SMTNL1: variants seen among roughly 807,000 people sequenced by gnomAD.
SMTNL1 encodes smoothelin-like protein 1.
Under a neutral mutation model 46.6 loss-of-function variants are expected in SMTNL1, and 41 were observed. The observed-to-expected ratio is 0.88, with a 90% CI of 0.69 to 1.14. SMTNL1 has a LOEUF of 1.14. SMTNL1 is among the 50% of genes most tolerant of loss of function. The pLI is 0.00. For missense variants in SMTNL1, 591 were observed against 626.1 expected (o/e 0.94, Z 0.60); for synonymous variants, 234 against 234.2 (o/e 1.00, Z 0.01).
chr11:57,546,723 T>C, intron 7 of SMTNL1, 71 bp downstream of exon 7: 2 of 1,540,852 alleles, frequency 1.3e-6, no homozygotes, highest in Non-Finnish European at 1.8e-6. Flanking sequence ...AGGGGTTGAG[T>C]AGTGAGGCAG....
At chr11:57,549,045 A>G (rs1335618031) in intron 7 of SMTNL1, among the ~76,000 whole-genome samples, 6 of 127,742 alleles carry the variant, frequency 4.7e-5, no homozygotes, top group African/African-American at 1.5e-4. Context: ...TTTTTTTTTG[A>G]GACAGAGTAT....
chr11:57,539,070 C>T (rs1031612520), intron 1 of SMTNL1, among the ~76,000 whole-genome samples: 4 of 151,964 alleles, frequency 2.6e-5, no homozygotes, highest in African/African-American at 9.7e-5. Context: ...TTAGAGCGGC[C>T]AGTCTCAGTG....
At position 57,546,257 on chromosome 11, in the gene SMTNL1, G is replaced by T. The variant is rs1156888303; in HGVS notation, c.1098G>T (p.Leu366Phe). The change falls in exon 6 of 8, where the codon TTG becomes TTT. Residue 366 changes from leucine (L) to phenylalanine (F), a missense_variant. Physicochemically the swap from Leu to Phe is conservative, Grantham distance 22 (BLOSUM62 0). Coordinates refer to ENST00000527972, the MANE Select transcript of SMTNL1 (RefSeq NM_001105565.3). ...GGGCAGCTTCCGGCCCCACGGCCTT[G>T]TTCCGCAACACTAAGGCAGCCGGGG... ...FGGAASGPTA[L>F]FRNTKAAGAA... is the part of the protein sequence containing the mutation. 6.8e-6 allele frequency: 11 copies of T among 1,608,240 alleles called. No individual in the cohort carries two copies. The Admixed American group carries it at 8.4e-5, about 12-fold the overall frequency.
In SMTNL1 at chr11:57,549,956, C is replaced by A; in HGVS notation, c.1341-12C>A. 1 of 1,613,578 alleles carries A rather than the reference C, an allele frequency of 6.2e-7. No individual in the cohort carries two copies. Among genetic ancestry groups the A allele is most frequent in the Middle Eastern group, 1.7e-4 (1 of 6,060 alleles). On this transcript the variant is annotated splice_polypyrimidine_tract_variant and intron_variant, in intron 7 of 7. Coordinates refer to ENST00000527972, the MANE Select transcript of SMTNL1 (RefSeq NM_001105565.3). ...TTTGACCTTCTGCTCCTCATTCCACCCCATTCCTTAGGAAACTGGCTGACT... is the reference window on the plus strand; with the variant it reads ...TTTGACCTTCTGCTCCTCATTCCACACCATTCCTTAGGAAACTGGCTGACT...
intron 7 of SMTNL1, among the ~76,000 whole-genome samples, chr11:57,546,959 C>T (rs1355373833): frequency 1.3e-5 from 2 of 151,726 alleles, no homozygotes; most frequent in Non-Finnish European, 2.9e-5. Flanking sequence ...ATAGTGAGAC[C>T]CCCATCTCTA....
In SMTNL1 at chr11:57,543,367, A is replaced by G. The variant is rs370650341; in HGVS notation, c.725A>G (p.Glu242Gly). Reference sequence around the variant, plus strand: ...GCAAAAGAGGAGGCGGAGGATGCAGAGGAGGCAGTGAGTGAGGCAGGAAAG... The same window carrying G: ...GCAAAAGAGGAGGCGGAGGATGCAGGGGAGGCAGTGAGTGAGGCAGGAAAG... ...ADAKEEAEDA[E>G]EAEPGSPSEE... is the part of the protein sequence containing the mutation. Residue 242 changes from glutamate (E) to glycine (G), a missense_variant, in exon 2 of 8, where the codon GAG (glutamate) becomes GGG (glycine). By Grantham distance (98) the Glu-to-Gly change is moderately conservative. Coordinates refer to ENST00000527972, the MANE Select transcript of SMTNL1 (RefSeq NM_001105565.3). The G allele has an allele frequency of 3.7e-5, 60 of 1,613,226 alleles. No individual in the cohort carries two copies. The Middle Eastern group carries it at 1.5e-3, about 40-fold the overall frequency.
Position 57,545,845 on chromosome 11 carries a change from AG to A in SMTNL1, c.918-35del, listed in dbSNP as rs137980945. The A allele has an allele frequency of 9.5e-5, 148 of 1,559,908 alleles. No homozygotes were observed. In the African/African-American group the frequency reaches 1.9e-3, roughly 20 times the overall value. ...CCCTGTGTCCTGCAGTGCTGGTCCCAGCCTCTCTCACACGTCTTTGGACTTC... is the reference window on the plus strand; with the variant it reads ...CCCTGTGTCCTGCAGTGCTGGTCCCACCTCTCTCACACGTCTTTGGACTTC... On this transcript the variant is annotated intron_variant, in intron 4 of 7. Coordinates refer to ENST00000527972, the MANE Select transcript of SMTNL1 (RefSeq NM_001105565.3).
chr11:57,544,095 C>T (rs1041131708), intron 4 of SMTNL1, among the ~76,000 whole-genome samples, 175 bp downstream of exon 4: 3 of 152,222 alleles, frequency 2.0e-5, no homozygotes, highest in African/African-American at 7.2e-5. Flanking sequence ...AAGCCAGAGG[C>T]ATGGTCGGCT....
chr11:57,541,607 CT>C, intron 1 of SMTNL1: 1 of 1,354,548 alleles, frequency 7.4e-7, no homozygotes, highest in Non-Finnish European at 9.8e-7. Context: ...CCAGGCCCAC[CT>C]TTTCCAAAAA....
chr11:57,544,714 T>C (rs948215275), intron 4 of SMTNL1, among the ~76,000 whole-genome samples: 20 of 152,210 alleles, frequency 1.3e-4, no homozygotes, highest in Non-Finnish European at 2.5e-4. Flanking sequence ...TGCAAAGCAC[T>C]TTAGCCCAGT....
chr11:57,548,404 T>C (rs1300472980), intron 7 of SMTNL1, among the ~76,000 whole-genome samples: 1 of 152,118 alleles, frequency 6.6e-6, no homozygotes, highest in Non-Finnish European at 1.5e-5. Flanking sequence ...GTGCAGTGGC[T>C]CACACCTGTA....
chr11:57,542,985 A>G lies in SMTNL1; in HGVS notation c.343A>G (p.Lys115Glu), dbSNP rs771733515. ...TVGSQEMTGR[K>E]EETKSEPKEA... ...GGGTTCTCAGGAGATGACTGGCAGG[A>G]AAGAAGAGACCAAATCTGAACCCAA... The change falls in exon 2 of 8, where the codon AAA becomes GAA. Residue 115 changes from lysine (K) to glutamate (E), a missense_variant. Lys to Glu is a moderately conservative substitution (Grantham distance 56, BLOSUM62 1). Transcript: ENST00000527972. 1 of 1,601,988 alleles carries G rather than the reference A, an allele frequency of 6.2e-7. No homozygotes were observed. Among genetic ancestry groups the G allele is most frequent in the East Asian group, 2.2e-5 (1 of 44,464 alleles).
chr11:57,549,369 C>T (rs575224208), intron 7 of SMTNL1, among the ~76,000 whole-genome samples: 4 of 152,054 alleles, frequency 2.6e-5, no homozygotes, highest in African/African-American at 9.6e-5. Context: ...AGAAGCTCCC[C>T]GGTTCCAGAG....
chr11:57,538,338 C>T (rs1345408939), intron 1 of SMTNL1, among the ~76,000 whole-genome samples: 6 of 152,138 alleles, frequency 3.9e-5, no homozygotes, highest in Non-Finnish European at 8.8e-5. Context: ...TCCCTTTCCT[C>T]CTGGTCTGCC....
chr11:57,550,140 T>G lies in SMTNL1; in HGVS notation c.*28T>G. On this transcript the variant is annotated 3_prime_UTR_variant, in exon 8 of 8. Transcript: ENST00000527972. ...AGGTGACTGGCTCTGTGGGCAGAGA[T>G]GGGCAGGGTGCCCAGCTCAGCAGCC... is the stretch of plus-strand genomic sequence containing the variant. 6.3e-7 allele frequency: 1 copy of G among 1,595,764 alleles called. No homozygotes were observed.
In SMTNL1 at chr11:57,542,752, CA is replaced by C; in HGVS notation, c.111del (p.Ala38LeufsTer36). The C allele has an allele frequency of 6.2e-7, 1 of 1,613,940 alleles. No homozygotes were observed. Among genetic ancestry groups the C allele is most frequent in the Non-Finnish European group, 8.5e-7 (1 of 1,179,854 alleles). ...GGAPAEETKG[T>X]AGKAINEGPP... ...GCCCCTGCAGAGGAGACCAAAGGCACAGCTGGAAAGGCCATCAATGAGGGGC... is the reference window on the plus strand; with the variant it reads ...GCCCCTGCAGAGGAGACCAAAGGCACGCTGGAAAGGCCATCAATGAGGGGC... On this transcript the variant is annotated frameshift_variant, in exon 2 of 8. Coordinates refer to ENST00000527972, the MANE Select transcript of SMTNL1 (RefSeq NM_001105565.3). LOFTEE classifies it high-confidence loss of function.
chr11:57,544,180 G>A (rs1012536828), intron 4 of SMTNL1, among the ~76,000 whole-genome samples: 8 of 152,236 alleles, frequency 5.3e-5, no homozygotes, highest in Admixed American at 1.3e-4. Flanking sequence ...ATGAGTTCGA[G>A]ACCAGCCTGG....
chr11:57,546,386 C>T (rs369811525), intron 6 of SMTNL1, 39 bp downstream of exon 6: 16 of 1,272,004 alleles, frequency 1.3e-5, no homozygotes, highest in Middle Eastern at 2.5e-4. Context: ...GGGCAGGGGT[C>T]CAGGGAGGGT....
intron 1 of SMTNL1, among the ~76,000 whole-genome samples, chr11:57,540,620 G>A (rs938549128): frequency 6.6e-6 from 1 of 152,170 alleles, no homozygotes; most frequent in African/African-American, 2.4e-5. Context: ...AGGTCTCAGT[G>A]GGGACTGGAA....
Sources: allele counts gnomAD v4.1 joint callset (sites outside exome capture counted in the v4.1 genomes callset), GRCh38; gene constraint gnomAD v4.1.1; transcripts MANE v1.5; gene names NCBI Gene and HGNC (gene_info 2026-07-23, HGNC 2026-07-21).